SRGAP3: variants seen among roughly 807,000 people sequenced by gnomAD.
SRGAP3 encodes the protein SLIT-ROBO Rho GTPase-activating protein 3.
SRGAP3 carries 39 observed loss-of-function variants against 121.1 expected under a neutral mutation model. That is an observed-to-expected ratio of 0.32 (90% CI 0.25 to 0.42). The LOEUF is 0.42. Among genes scored for constraint, SRGAP3 ranks in the 10% least tolerant of loss-of-function variants. SRGAP3 has a pLI of 1.00. For missense variants in SRGAP3, 1,213 were observed against 1,470.6 expected (o/e 0.82, Z 2.86); for synonymous variants, 601 against 570.0 (o/e 1.05, Z -0.77).
In SRGAP3 at chr3:9,146,798, G is replaced by A. The variant is rs1203297446; in HGVS notation, c.68-21881C>T. On this transcript the variant is annotated intron_variant, in intron 1 of 21. Coordinates refer to ENST00000383836, the MANE Select transcript of SRGAP3 (RefSeq NM_014850.4). Reference sequence around the variant, plus strand: ...CCACAAGGTACACCCTGCAGGGCGCGAGGACGATGCGTCCCTCTTGGGTGC... The same window carrying A: ...CCACAAGGTACACCCTGCAGGGCGCAAGGACGATGCGTCCCTCTTGGGTGC... Among the ~76,000 whole-genome samples the A allele has an allele frequency of 2.6e-5, 4 of 152,308 alleles. No homozygotes were observed. In the East Asian group the frequency reaches 7.7e-4, roughly 29 times the overall value.
chr3:9,271,489 C>A (rs758327670), intron 3 of SRGAP3, among the ~76,000 whole-genome samples: 4 of 152,206 alleles, frequency 2.6e-5, no homozygotes, highest in Non-Finnish European at 5.9e-5. Context: ...GATCCCACCC[C>A]CTTACCTCCC....
At chr3:9,167,168 G>A (rs549749857) in intron 1 of SRGAP3, among the ~76,000 whole-genome samples, 8 of 152,212 alleles carry the variant, frequency 5.3e-5, no homozygotes, top group Admixed American at 2.6e-4. Flanking sequence ...GAAAGGGGGA[G>A]GATTGATCCT....
chr3:8,990,793 C>A lies in SRGAP3; in HGVS notation c.2605G>T (p.Gly869Trp), dbSNP rs199709391. ...CGGGGCGGGCTGTGTGTGTCGCCCC[C>A]GCTTCGGCGTCTGGGGATGGCTGCT... ...DGAAIPRRRS[G>W]GDTHSPPRGL... Residue 869 changes from glycine (G) to tryptophan (W), a missense_variant, in exon 21 of 22, where the codon GGG (glycine) becomes TGG (tryptophan). This residue lies in a region of SRGAP3 where 420 missense variants were observed against 437.7 expected (regional missense o/e 0.96). Coordinates refer to ENST00000383836, the MANE Select transcript of SRGAP3 (RefSeq NM_014850.4). 3 of 1,589,010 alleles carry A rather than the reference C, an allele frequency of 1.9e-6. No homozygotes were observed. The highest frequency in any genetic ancestry group is 2.6e-6 in the Non-Finnish European group (3 of 1,168,488).
intron 3 of SRGAP3, among the ~76,000 whole-genome samples, chr3:9,082,981 G>A (rs1057490454): frequency 2.6e-5 from 4 of 152,146 alleles, no homozygotes; most frequent in African/African-American, 9.7e-5. Flanking sequence ...CTCCAGCTTC[G>A]AGAGGGTGTG....
intron 9 of SRGAP3, among the ~76,000 whole-genome samples, chr3:9,051,715 T>C (rs1050325749): frequency 6.9e-6 from 1 of 145,418 alleles, no homozygotes; most frequent in African/African-American, 2.6e-5. Context: ...CAATTCTTTT[T>C]TTTTTTTTTT....
intron 3 of SRGAP3, among the ~76,000 whole-genome samples, chr3:9,278,117 C>T (rs1284012634): frequency 6.6e-6 from 1 of 152,130 alleles, no homozygotes; most frequent in Non-Finnish European, 1.5e-5. Flanking sequence ...ATTAGCCACC[C>T]AGTTTATGGT....
chr3:9,013,606 G>C (rs902273753), intron 16 of SRGAP3, 71 bp from the exon 17 acceptor site: 42 of 1,581,134 alleles, frequency 2.7e-5, no homozygotes, highest in South Asian at 1.3e-4. Context: ...TTTTCTTTTG[G>C]GGGACCCTAT....
chr3:9,198,062 A>G (rs1048456224), intron 1 of SRGAP3, among the ~76,000 whole-genome samples: 1 of 152,228 alleles, frequency 6.6e-6, no homozygotes, highest in Non-Finnish European at 1.5e-5. Flanking sequence ...AGAAACTAGT[A>G]AACTGTGTTA....
chr3:8,989,064 C>T (rs917815884), intron 21 of SRGAP3, among the ~76,000 whole-genome samples: 18 of 152,236 alleles, frequency 1.2e-4, no homozygotes, highest in African/African-American at 4.3e-4. Flanking sequence ...TTCCCCAAAC[C>T]TTGCTGACCA....
chr3:9,336,678 G>C, intron 1 of SRGAP3, among the ~76,000 whole-genome samples: 1 of 152,184 alleles, frequency 6.6e-6, no homozygotes, highest in East Asian at 1.9e-4. Flanking sequence ...GGGGTATTTA[G>C]AGAGTGAGGA....
At chr3:9,209,943 A>G (rs1415381076) in intron 1 of SRGAP3, among the ~76,000 whole-genome samples, 1 of 152,248 alleles carries the variant, frequency 6.6e-6, no homozygotes, top group Non-Finnish European at 1.5e-5. Context: ...TATATCCTAA[A>G]ATGGAATATT....
At position 9,159,643 on chromosome 3, in the gene SRGAP3, AC is replaced by A. The variant is rs201685140; in HGVS notation, c.68-34727del. On this transcript the variant is annotated intron_variant, in intron 1 of 21. Coordinates refer to ENST00000383836, the MANE Select transcript of SRGAP3 (RefSeq NM_014850.4). ...ACCCATATAACAAACCTGCACGTAT[AC>A]CCCTGATCCTAAAATAAAAGTTAAA... is the stretch of plus-strand genomic sequence containing the variant. Among the ~76,000 whole-genome samples the A allele has an allele frequency of 4.4e-5, 6 of 135,800 alleles. No homozygotes were observed. The East Asian group carries it at 8.5e-4, about 19-fold the overall frequency. 89.1% of individuals were successfully genotyped at this position (135,800 alleles called of 152,430 possible). A position where few individuals can be genotyped will look rare whatever the true frequency, so the allele number is the denominator to read the frequency against.
intron 4 of SRGAP3, among the ~76,000 whole-genome samples, chr3:9,075,987 AG>A (rs1414975636): frequency 6.6e-6 from 1 of 152,238 alleles, no homozygotes; most frequent in East Asian, 1.9e-4. Flanking sequence ...CTGTAAGGGG[AG>A]GGGGCCTTGC....
chr3:9,179,004 T>C (rs1320607570), intron 1 of SRGAP3, among the ~76,000 whole-genome samples: 12 of 152,150 alleles, frequency 7.9e-5, no homozygotes, highest in Admixed American at 6.5e-4. Context: ...TTCTCCCCCA[T>C]GTCCCCTGTT....
intron 3 of SRGAP3, among the ~76,000 whole-genome samples, chr3:9,285,768 C>CAA (rs35774144): frequency 3.1e-5 from 4 of 129,360 alleles, no homozygotes; most frequent in Non-Finnish European, 6.6e-5. Flanking sequence ...CGCCCCACCT[C>CAA]AAAAAAAAAA....
At position 8,981,795 on chromosome 3, in the gene SRGAP3, C is replaced by T; in HGVS notation, c.*3724G>A. ...GTGTCTCTTCCCACTCCGATTTCTT[C>T]ATTGAATAGAAACCTTTCATCCCTT... On this transcript the variant is annotated 3_prime_UTR_variant, in exon 22 of 22. Coordinates refer to ENST00000383836, the MANE Select transcript of SRGAP3 (RefSeq NM_014850.4). 4.4e-6 allele frequency: 1 copy of T among 229,530 alleles called. No individual in the cohort carries two copies. Among genetic ancestry groups the T allele is most frequent in the Non-Finnish European group, 8.7e-6 (1 of 115,482 alleles). The allele number at this position is 229,530 out of a possible 1,614,324, so 14.2% of individuals were successfully genotyped here. A position where few individuals can be genotyped will look rare whatever the true frequency, so the allele number is the denominator to read the frequency against.
At position 8,985,178 on chromosome 3, in the gene SRGAP3, A is replaced by C; in HGVS notation, c.*341T>G. The C allele has an allele frequency of 2.4e-6, 1 of 422,034 alleles. No individual in the cohort carries two copies. Among genetic ancestry groups the C allele is most frequent in the Non-Finnish European group, 4.4e-6 (1 of 229,540 alleles). 26.1% of individuals were successfully genotyped at this position (422,034 alleles called of 1,614,324 possible). A position where few individuals can be genotyped will look rare whatever the true frequency, so the allele number is the denominator to read the frequency against. ...CACACATCGATATACACACACATAT[A>C]CGTATGTAGAGAGAATGTCGAGAGA... On this transcript the variant is annotated 3_prime_UTR_variant, in exon 22 of 22. Coordinates refer to ENST00000383836, the MANE Select transcript of SRGAP3 (RefSeq NM_014850.4). The surrounding 1 kb of genome is among the most constrained non-coding windows in gnomAD (Gnocchi z 5.1).
intron 1 of SRGAP3, chr3:9,348,370 A>T (rs1035448328): frequency 6.1e-6 from 3 of 488,716 alleles, no homozygotes; most frequent in Non-Finnish European, 1.1e-5. Flanking sequence ...AAAAGTAATC[A>T]AACATTTAAA....
chr3:9,107,529 T>C (rs890632419), intron 2 of SRGAP3, among the ~76,000 whole-genome samples: 2 of 152,230 alleles, frequency 1.3e-5, no homozygotes, highest in Non-Finnish European at 2.9e-5. Flanking sequence ...TTTCTATTAC[T>C]GTAGGTTCAG....
Sources: gnomAD v4.1 joint callset for allele counts (sites outside exome capture counted in the v4.1 genomes callset) on GRCh38, gnomAD v4.1.1 for gene constraint, gnomAD v4.1.1 regional missense constraint, Gnocchi (gnomAD v3.1) non-coding constraint, MANE v1.5 for transcripts, NCBI Gene and HGNC (gene_info 2026-07-23, HGNC 2026-07-21) for gene names.